C2orf49: variants seen among roughly 807,000 people sequenced by gnomAD.
The protein encoded by C2orf49 is tRNA splicing ligase complex subunit 2.
In C2orf49, 11 loss-of-function variants were observed where a neutral mutation model predicts 20.6. The observed-to-expected ratio is 0.53, with a 90% CI of 0.34 to 0.88. C2orf49 has a LOEUF of 0.88. C2orf49 is among the 40% of genes least tolerant of loss of function. The pLI is 0.02. For synonymous variants in C2orf49, 134 were observed against 108.5 expected, an observed-to-expected ratio of 1.24 and a Z score of -1.46; for missense variants, 289 against 274.2, an observed-to-expected ratio of 1.05 and a Z score of -0.38.
At chr2:105,341,392 C>T (rs1679666115) in intron 2 of C2orf49, among the ~76,000 whole-genome samples, 1 of 152,194 alleles carries the variant, frequency 6.6e-6, no homozygotes, top group South Asian at 2.1e-4. Flanking sequence ...AAGAGATCAT[C>T]TTGTATTGTT....
intron 3 of C2orf49, among the ~76,000 whole-genome samples, chr2:105,344,327 A>G (rs1679752396): frequency 6.6e-6 from 1 of 152,268 alleles, no homozygotes; most frequent in Middle Eastern, 3.4e-3. Flanking sequence ...AGTTAGAACA[A>G]TAAAGCCACA....
chr2:105,340,349 G>C (rs1679633341), intron 2 of C2orf49, among the ~76,000 whole-genome samples: 1 of 152,220 alleles, frequency 6.6e-6, no homozygotes, highest in African/African-American at 2.4e-5. Context: ...TCTGGCTGCT[G>C]TCCTAAGAAG....
intron 1 of C2orf49, 24 bp downstream of exon 1, chr2:105,337,710 T>C: frequency 5.4e-5 from 1 of 18,540 alleles, no homozygotes; most frequent in South Asian, 2.5e-3. Context: ...GATCGGAGGG[T>C]GGGCGGGTGG....
downstream of C2orf49, among the ~76,000 whole-genome samples, chr2:105,350,096 C>T (rs561553201): frequency 1.3e-5 from 2 of 152,240 alleles, no homozygotes; most frequent in Admixed American, 6.5e-5. Flanking sequence ...ACCTATCCCC[C>T]CCGGTCTAGC....
At chr2:105,365,072 C>T in the C2orf49 span, among the ~76,000 whole-genome samples, 3 of 152,170 alleles carry the variant, frequency 2.0e-5, no homozygotes, top group Admixed American at 1.3e-4. Flanking sequence ...TCCCTTGCTC[C>T]GGATTCCATG....
chr2:105,359,751 T>G, the C2orf49 span: 1 of 152,194 alleles, frequency 6.6e-6, no homozygotes, highest in African/African-American at 2.4e-5. Flanking sequence ...TCAGAAACAC[T>G]GAAGGCTCCC....
intron 2 of C2orf49, among the ~76,000 whole-genome samples, chr2:105,342,047 C>T (rs925803285): frequency 6.6e-6 from 1 of 152,194 alleles, no homozygotes; most frequent in Non-Finnish European, 1.5e-5. Flanking sequence ...GTGGCATGCA[C>T]CTGTATCCCA....
chr2:105,344,269 C>G (rs1679751362), intron 3 of C2orf49, among the ~76,000 whole-genome samples: 1 of 152,156 alleles, frequency 6.6e-6, no homozygotes, highest in South Asian at 2.1e-4. Context: ...TTCGTCCATA[C>G]TCCTTTCAGC....
the C2orf49 span, chr2:105,361,399 G>A: frequency 1.4e-5 from 22 of 1,613,948 alleles, no homozygotes; most frequent in African/African-American, 2.7e-5. Context: ...TGCCACTGCC[G>A]TTCCTCAAAG....
At chr2:105,367,849 C>T in the C2orf49 span, 2 of 1,095,436 alleles carry the variant, frequency 1.8e-6, no homozygotes, top group Admixed American at 2.6e-5. Flanking sequence ...CCAGAGCAAG[C>T]CACTTCAGCT....
chr2:105,368,983 C>T, the C2orf49 span, among the ~76,000 whole-genome samples: 3 of 152,184 alleles, frequency 2.0e-5, no homozygotes, highest in African/African-American at 4.8e-5. Context: ...TGTTTACATC[C>T]GCTTTTAAGC....
chr2:105,359,140 C>T, the C2orf49 span: 3 of 152,182 alleles, frequency 2.0e-5, no homozygotes, highest in Non-Finnish European at 4.4e-5. Flanking sequence ...TCCAGAATGA[C>T]TGTTAATTTG....
Position 105,337,563 on chromosome 2 carries a change from C to T in C2orf49, c.-25C>T, listed in dbSNP as rs777268278. 2.6e-5 allele frequency: 42 copies of T among 1,613,070 alleles called. No individual in the cohort carries two copies. The highest frequency in any genetic ancestry group is 3.0e-5 in the Non-Finnish European group (35 of 1,179,932). ...TCCTTCGCGGGGCTTTGTGGGTAGC[C>T]GACTGGGGTCTCCTGGCGACGACCA... On this transcript the variant is annotated 5_prime_UTR_variant, in exon 1 of 4. Coordinates refer to ENST00000258457, the MANE Select transcript of C2orf49 (RefSeq NM_024093.3).
intron 3 of C2orf49, among the ~76,000 whole-genome samples, chr2:105,344,746 AT>A (rs563406363): frequency 0.051 from 7,434 of 144,954 alleles, 201 homozygotes; most frequent in Middle Eastern, 0.082. Flanking sequence ...CACCCAGCTA[AT>A]TTTTTTTTTT....
At chr2:105,385,801 T>C in the C2orf49 span, 1 of 154,094 alleles carries the variant, frequency 6.5e-6, no homozygotes, top group African/African-American at 2.4e-5. Context: ...TGAACCACGC[T>C]GTGACATACC....
At chr2:105,365,913 G>T in the C2orf49 span, among the ~76,000 whole-genome samples, 85 of 152,032 alleles carry the variant, frequency 5.6e-4, no homozygotes, top group African/African-American at 2.0e-3. Flanking sequence ...TAACAGTAAA[G>T]AACAAATGGG....
At position 105,346,858 on chromosome 2, in the gene C2orf49, G is replaced by C. The variant is rs926350217; in HGVS notation, c.*1487G>C. ...TATAATGGAAATCAGTGGGAAAATAGGGTTTACCTTATATTCATGAGTTCT... is the reference window on the plus strand; with the variant it reads ...TATAATGGAAATCAGTGGGAAAATACGGTTTACCTTATATTCATGAGTTCT... On this transcript the variant is annotated 3_prime_UTR_variant, in exon 4 of 4. Coordinates refer to ENST00000258457, the MANE Select transcript of C2orf49 (RefSeq NM_024093.3). The C allele has an allele frequency of 6.6e-6, 1 of 152,156 alleles. No individual in the cohort carries two copies. Among genetic ancestry groups the C allele is most frequent in the Non-Finnish European group, 1.5e-5 (1 of 68,018 alleles). The allele number at this position is 152,156 out of a possible 1,614,324, so 9.4% of individuals were successfully genotyped here.
the C2orf49 span, among the ~76,000 whole-genome samples, chr2:105,369,344 T>A: frequency 1.3e-5 from 2 of 152,336 alleles, no homozygotes; most frequent in South Asian, 2.1e-4. Flanking sequence ...AGGGGTTGTA[T>A]TTTAGCTGGC....
In C2orf49 at chr2:105,343,072, C is replaced by G. The variant is rs772600813; in HGVS notation, c.491C>G (p.Thr164Arg). 4 of 1,614,166 alleles carry G rather than the reference C, an allele frequency of 2.5e-6. No homozygotes were observed. The South Asian group carries it at 4.4e-5, about 18-fold the overall frequency. ...TCCAATTTGCCTGTGAACAATAAAA[C>G]GGAACACAATAATAATGACGCTAAA... The part of the protein sequence containing the change: ...LSSNLPVNNK[T>R]EHNNNDAKQN... Residue 164 changes from threonine to arginine, a missense_variant, in exon 3 of 4, where the codon ACG becomes AGG. By Grantham distance (71) the Thr-to-Arg change is moderately conservative (BLOSUM62 -1). Transcript: ENST00000258457.
Sources: allele counts gnomAD v4.1 joint callset (sites outside exome capture counted in the v4.1 genomes callset), GRCh38; gene constraint gnomAD v4.1.1; transcripts MANE v1.5; gene names NCBI Gene and HGNC (gene_info 2026-07-23, HGNC 2026-07-21).